The following NETO1 variants were observed in gnomAD, a reference collection of about 807,000 sequenced individuals.
NETO1 encodes neuropilin and tolloid like 1.
In NETO1, 26 loss-of-function variants were observed where a neutral mutation model predicts 61.3. The ratio of observed to expected loss-of-function variants is 0.42; its 90% confidence interval spans 0.31 to 0.59. The LOEUF (loss-of-function observed/expected upper bound fraction) is 0.59, where lower values mean the gene tolerates loss of function less well. NETO1 is among the 20% of genes least tolerant of loss of function. The pLI, the probability that NETO1 is intolerant of heterozygous loss-of-function variation, is 0.12. For synonymous variants in NETO1, 225 were observed against 225.8 expected, an observed-to-expected ratio of 1.00 and a Z score of 0.03; for missense variants, 531 against 662.8, an observed-to-expected ratio of 0.80 and a Z score of 2.18.
chr18:72,771,147 C>A (rs2071339834), intron 7 of NETO1, among the ~76,000 whole-genome samples: 1 of 152,082 alleles, frequency 6.6e-6, no homozygotes. Flanking sequence ...TAAGAATTTG[C>A]ATTATCCAAG....
In NETO1 at chr18:72,859,582, T is replaced by G. The variant is rs1016487581; in HGVS notation, c.221-508A>C. On this transcript the variant is annotated intron_variant, in intron 3 of 10. Transcript: ENST00000327305. ...TAATTTTTCTACAACACAAACCTGA[T>G]CACATCCCTCTCAGGTTTCAACCTC... is the stretch of plus-strand genomic sequence containing the variant. Among the ~76,000 whole-genome samples, 6 of 152,162 alleles carry G rather than the reference T, an allele frequency of 3.9e-5. No individual in the cohort carries two copies. In the South Asian group the frequency reaches 1.2e-3, roughly 32 times the overall value.
chr18:72,793,569 C>G (rs1204460839), intron 6 of NETO1, among the ~76,000 whole-genome samples: 1 of 152,002 alleles, frequency 6.6e-6, no homozygotes, highest in Non-Finnish European at 1.5e-5. Context: ...AATGCTGGAC[C>G]CACATTTTCT....
chr18:72,766,103 G>A (rs1269567641), intron 7 of NETO1, among the ~76,000 whole-genome samples: 4 of 151,964 alleles, frequency 2.6e-5, no homozygotes, highest in Admixed American at 2.0e-4. Flanking sequence ...CTACTCAGGA[G>A]GCTGAGCGGG....
intron 4 of NETO1, among the ~76,000 whole-genome samples, chr18:72,852,458 G>A (rs928085281): frequency 2.0e-5 from 3 of 152,158 alleles, no homozygotes; most frequent in Non-Finnish European, 2.9e-5. Flanking sequence ...CTCGTGATCC[G>A]CCGGCTTCAA....
intron 4 of NETO1, among the ~76,000 whole-genome samples, chr18:72,841,286 T>C (rs1287547303): frequency 1.3e-5 from 2 of 152,124 alleles, no homozygotes; most frequent in Non-Finnish European, 2.9e-5. Flanking sequence ...CAGGATGAAA[T>C]GGTTTCTGAG....
intron 4 of NETO1, among the ~76,000 whole-genome samples, chr18:72,835,615 T>G (rs150405847): frequency 1.5e-3 from 227 of 152,232 alleles, no homozygotes; most frequent in African/African-American, 5.3e-3. Flanking sequence ...TTTCTACGGT[T>G]TATTGTTTGG....
At chr18:72,810,967 G>GA (rs988503302) in intron 4 of NETO1, among the ~76,000 whole-genome samples, 3 of 152,072 alleles carry the variant, frequency 2.0e-5, no homozygotes, top group African/African-American at 7.2e-5. Context: ...ACCTGAGCTG[G>GA]AAACTGCAAA....
intron 4 of NETO1, among the ~76,000 whole-genome samples, chr18:72,840,490 TC>T (rs1239120844): frequency 6.6e-6 from 1 of 152,100 alleles, no homozygotes; most frequent in East Asian, 1.9e-4. Context: ...GCATCATCCT[TC>T]CAACGATATG....
chr18:72,759,015 T>C (rs7241323), intron 7 of NETO1, among the ~76,000 whole-genome samples: 44,798 of 152,142 alleles, frequency 0.29, 7,775 homozygotes, highest in South Asian at 0.4. Context: ...TATGCAATGA[T>C]GCACTAAAGA....
intron 4 of NETO1, among the ~76,000 whole-genome samples, chr18:72,822,457 C>T (rs1223713759): frequency 6.6e-6 from 1 of 152,156 alleles, no homozygotes; most frequent in Non-Finnish European, 1.5e-5. Flanking sequence ...CCCCGCAGGA[C>T]GTGGGGAGGC....
chr18:72,794,199 A>G lies in NETO1; in HGVS notation c.557T>C (p.Ile186Thr). 1 of 1,614,194 alleles carries G rather than the reference A, an allele frequency of 6.2e-7. No homozygotes were observed. Among genetic ancestry groups the G allele is most frequent in the Non-Finnish European group, 8.5e-7 (1 of 1,180,038 alleles). ...AGCTTTGCCTTCCTTCATAATTTGTATAGACTCCACAATTCCTTCGGAACC... is the reference window on the plus strand; with the variant it reads ...AGCTTTGCCTTCCTTCATAATTTGTGTAGACTCCACAATTCCTTCGGAACC... ...MGGSEGIVES[I>T]QIMKEGKATA... Residue 186 changes from isoleucine to threonine, a missense_variant, in exon 6 of 11, where the codon ATA becomes ACA. Coordinates refer to ENST00000327305, the MANE Select transcript of NETO1 (RefSeq NM_138966.5).
At chr18:72,776,126 G>C (rs2071538112) in intron 7 of NETO1, among the ~76,000 whole-genome samples, 1 of 152,284 alleles carries the variant, frequency 6.6e-6, no homozygotes, top group South Asian at 2.1e-4. Context: ...CTGGCTTTGG[G>C]CGAGGGATCT....
chr18:72,754,967 A>G (rs2070739022), intron 8 of NETO1, among the ~76,000 whole-genome samples: 2 of 152,230 alleles, frequency 1.3e-5, no homozygotes, highest in African/African-American at 2.4e-5. Flanking sequence ...TCCATAAACT[A>G]GAAATGAATG....
chr18:72,748,996 C>T lies in NETO1; in HGVS notation c.*14+18G>A. The T allele has an allele frequency of 6.5e-7, 1 of 1,543,362 alleles. No individual in the cohort carries two copies. Among genetic ancestry groups the T allele is most frequent in the Non-Finnish European group, 9.0e-7 (1 of 1,116,290 alleles). On this transcript the variant is annotated intron_variant, in intron 10 of 10. Transcript: ENST00000327305. Reference sequence around the variant, plus strand: ...GAATACGACAAAGTAGGAAAAGGAACCAAGGGCATCTGCTTACCTTGAATT... The same window carrying T: ...GAATACGACAAAGTAGGAAAAGGAATCAAGGGCATCTGCTTACCTTGAATT...
At chr18:72,759,246 A>G (rs1002992442) in intron 7 of NETO1, among the ~76,000 whole-genome samples, 1 of 152,132 alleles carries the variant, frequency 6.6e-6, no homozygotes, top group Admixed American at 6.5e-5. Flanking sequence ...TCCAAATCAC[A>G]TCGGAACCCT....
At chr18:72,791,204 A>G (rs2072104704) in intron 6 of NETO1, among the ~76,000 whole-genome samples, 1 of 152,162 alleles carries the variant, frequency 6.6e-6, no homozygotes, top group Non-Finnish European at 1.5e-5. Flanking sequence ...CAGATATTAT[A>G]TTTTCTATTT....
At chr18:72,775,388 A>C (rs1239208612) in intron 7 of NETO1, among the ~76,000 whole-genome samples, 1 of 152,170 alleles carries the variant, frequency 6.6e-6, no homozygotes, top group Non-Finnish European at 1.5e-5. Context: ...TTTTCCTATA[A>C]TTTATTCAGA....
intron 4 of NETO1, among the ~76,000 whole-genome samples, chr18:72,847,644 G>T (rs1476111257): frequency 6.6e-6 from 1 of 152,156 alleles, no homozygotes; most frequent in East Asian, 1.9e-4. Flanking sequence ...GATATAAAAA[G>T]ATATACACAT....
chr18:72,820,349 G>T (rs1312094283), intron 4 of NETO1, among the ~76,000 whole-genome samples: 3 of 152,206 alleles, frequency 2.0e-5, no homozygotes, highest in African/African-American at 7.2e-5. Flanking sequence ...AGATTCACAT[G>T]TTGGAAACCA....
Sources: gnomAD v4.1 joint callset for allele counts (sites outside exome capture counted in the v4.1 genomes callset) on GRCh38, gnomAD v4.1.1 for gene constraint, MANE v1.5 for transcripts, NCBI Gene and HGNC (gene_info 2026-07-23, HGNC 2026-07-21) for gene names.